NCR1: variants seen among roughly 807,000 people sequenced by gnomAD.
NCR1 encodes NK cell-activating receptor.
In NCR1, 30 loss-of-function variants were observed where a neutral mutation model predicts 32.5. That is an observed-to-expected ratio of 0.92 (90% CI 0.69 to 1.25). The LOEUF (loss-of-function observed/expected upper bound fraction) is 1.25. NCR1 is among the 50% of genes most tolerant of loss of function. The pLI is 0.00. For synonymous variants in NCR1, 169 were observed against 143.4 expected (o/e 1.18, Z -1.28); for missense variants, 369 against 380.7 (o/e 0.97, Z 0.26).
chr19:54,930,185 G>A, the NCR1 span, among the ~76,000 whole-genome samples: 1 of 151,506 alleles, frequency 6.6e-6, no homozygotes, highest in Non-Finnish European at 1.5e-5. Flanking sequence ...TTAAAAATGA[G>A]GCCAGGCATG....
At position 54,912,717 on chromosome 19, in the gene NCR1, A is replaced by G. The variant is rs1602068302; in HGVS notation, c.761A>G (p.Gln254Arg). 6.2e-7 allele frequency: 1 copy of G among 1,611,164 alleles called. No individual in the cohort carries two copies. Among genetic ancestry groups the G allele is most frequent in the Non-Finnish European group, 8.5e-7 (1 of 1,178,644 alleles). Reference protein sequence around the residue: ...KDHALWDHTAQNLLRMGLAFL... With the variant: ...KDHALWDHTARNLLRMGLAFL... ...CATGCCCTCTGGGATCACACTGCCC[A>G]GAATCTCCTTCGGATGGGCCTGGCC... The change falls in exon 7 of 7, where the codon CAG (glutamine) becomes CGG (arginine). Residue 254 changes from glutamine (Q) to arginine (R), a missense_variant. By Grantham distance (43) the Gln-to-Arg change is conservative. Coordinates refer to ENST00000291890, the MANE Select transcript of NCR1 (RefSeq NM_004829.7).
At chr19:54,916,149 T>C (rs964189789), downstream of NCR1, 2 of 151,970 alleles carry the variant, frequency 1.3e-5, no homozygotes, top group Admixed American at 6.6e-5. Flanking sequence ...TATGTGTGTG[T>C]ATCACACCCA....
At chr19:54,918,448 T>A (rs1569538167), downstream of NCR1, among the ~76,000 whole-genome samples, 1 of 151,928 alleles carries the variant, frequency 6.6e-6, no homozygotes, top group Non-Finnish European at 1.5e-5. Context: ...TTTTGTACTT[T>A]TAGTAAGTAA....
At chr19:54,935,884 C>T in the NCR1 span, among the ~76,000 whole-genome samples, 1 of 151,766 alleles carries the variant, frequency 6.6e-6, no homozygotes, top group African/African-American at 2.4e-5. Flanking sequence ...CGAACAGTTT[C>T]ATCCCAAAAC....
the NCR1 span, among the ~76,000 whole-genome samples, chr19:54,925,436 C>T: frequency 3.3e-5 from 5 of 152,120 alleles, no homozygotes; most frequent in Non-Finnish European, 4.4e-5. Context: ...ACATGCTTAG[C>T]GTTCCAATAA....
the NCR1 span, among the ~76,000 whole-genome samples, chr19:54,922,384 G>A: frequency 7.9e-5 from 12 of 152,028 alleles, no homozygotes; most frequent in Admixed American, 6.6e-4. Context: ...TGGAAAAGCT[G>A]TGTTTGCCAT....
At chr19:54,903,427 TATACACGC>T (rs1052254595), upstream of NCR1, among the ~76,000 whole-genome samples, 1 of 142,376 alleles carries the variant, frequency 7.0e-6, no homozygotes, top group African/African-American at 2.6e-5. Context: ...TACATGTATG[TATACACGC>T]ATACATGTAT....
chr19:54,924,441 G>A, the NCR1 span, among the ~76,000 whole-genome samples: 13 of 151,522 alleles, frequency 8.6e-5, no homozygotes, highest in Non-Finnish European at 1.5e-4. Context: ...TGGGCAACAC[G>A]GTGAAACCCT....
At chr19:54,934,541 T>C in the NCR1 span, 8 of 1,614,020 alleles carry the variant, frequency 5.0e-6, no homozygotes, top group African/African-American at 8.0e-5. This position sits in a 1 kb window ranked among gnomAD's most constrained non-coding sequence, Gnocchi z 6.7. Context: ...TACAGCAACA[T>C]GGCACCCTCA....
chr19:54,928,340 G>A, the NCR1 span, among the ~76,000 whole-genome samples: 1 of 152,142 alleles, frequency 6.6e-6, no homozygotes, highest in African/African-American at 2.4e-5. Context: ...GTTGTAGTTA[G>A]CCAACATATC....
chr19:54,901,597 G>A (rs1602005771), upstream of NCR1, among the ~76,000 whole-genome samples: 1 of 152,080 alleles, frequency 6.6e-6, no homozygotes, highest in Non-Finnish European at 1.5e-5. Flanking sequence ...GAGGCAGGCG[G>A]ATCACTGGAG....
downstream of NCR1, among the ~76,000 whole-genome samples, chr19:54,916,429 C>T (rs1461585469): frequency 6.7e-6 from 1 of 149,986 alleles, no homozygotes; most frequent in Admixed American, 6.7e-5. Flanking sequence ...AGCGATTCTC[C>T]TGCCTCAGCC....
chr19:54,921,911 TC>T, the NCR1 span, among the ~76,000 whole-genome samples: 1 of 146,070 alleles, frequency 6.8e-6, no homozygotes, highest in Non-Finnish European at 1.5e-5. Context: ...TTTTTTTTTT[TC>T]GAGACAAGAG....
chr19:54,917,921 A>G (rs1277419608), downstream of NCR1, among the ~76,000 whole-genome samples: 1 of 152,114 alleles, frequency 6.6e-6, no homozygotes, highest in African/African-American at 2.4e-5. Flanking sequence ...GTCTCAGCCT[A>G]CGTAAGACGT....
At chr19:54,899,476 G>A in the NCR1 span, among the ~76,000 whole-genome samples, 3 of 152,210 alleles carry the variant, frequency 2.0e-5, no homozygotes, top group Admixed American at 2.0e-4. Context: ...AGAAAAGCGG[G>A]AAAGGGGTCA....
rs757462926 is a variant in NCR1 at position 54,909,263 on chromosome 19, C to T, written c.374C>T (p.Thr125Ile). ...CTCATAGAAATGTATGACACACCCACCCTCTCGGTTCATCCTGGACCCGAA... is the reference window on the plus strand; with the variant it reads ...CTCATAGAAATGTATGACACACCCATCCTCTCGGTTCATCCTGGACCCGAA... ...LVVTEMYDTP[T>I]LSVHPGPEVI... Residue 125 changes from threonine (T) to isoleucine (I), a missense_variant, in exon 4 of 7, where the codon ACC (threonine) becomes ATC (isoleucine). Thr to Ile is a moderately conservative substitution (Grantham distance 89). Coordinates refer to ENST00000291890, the MANE Select transcript of NCR1 (RefSeq NM_004829.7). 20 of 1,613,096 alleles carry T rather than the reference C, an allele frequency of 1.2e-5. No individual in the cohort carries two copies. Among genetic ancestry groups the T allele is most frequent in the Non-Finnish European group, 1.5e-5 (18 of 1,179,292 alleles).
intron 4 of NCR1, 24 bp downstream of exon 4, chr19:54,909,547 C>T (rs376348539): frequency 1.8e-5 from 28 of 1,588,656 alleles, no homozygotes; most frequent in Non-Finnish European, 2.4e-5. Flanking sequence ...CAATTCCCCA[C>T]ACCCTTCGCC....
rs969635937 is a variant in NCR1 at position 54,913,028 on chromosome 19, AG to A, written c.*160del. 1.7e-6 allele frequency: 1 copy of A among 590,892 alleles called. No homozygotes were observed. Among genetic ancestry groups the A allele is most frequent in the African/African-American group, 1.9e-5 (1 of 52,396 alleles). The allele number at this position is 590,892 out of a possible 1,614,324, so 36.6% of individuals were successfully genotyped here. ...TGTCAGAGCATCCCGGACGATGCAG[AG>A]GGTGGGAGAACTACATGCTAAATTT... On this transcript the variant is annotated 3_prime_UTR_variant, in exon 7 of 7. Coordinates refer to ENST00000291890, the MANE Select transcript of NCR1 (RefSeq NM_004829.7).
the NCR1 span, among the ~76,000 whole-genome samples, chr19:54,900,085 G>C: frequency 0.033 from 5,022 of 152,212 alleles, 103 homozygotes; most frequent in African/African-American, 0.055. Flanking sequence ...GTCTGAGGAC[G>C]AGAGGTCGTA....
Sources: gnomAD v4.1 joint callset for allele counts (sites outside exome capture counted in the v4.1 genomes callset) on GRCh38, gnomAD v4.1.1 for gene constraint, Gnocchi (gnomAD v3.1) non-coding constraint, MANE v1.5 for transcripts, NCBI Gene and HGNC (gene_info 2026-07-23, HGNC 2026-07-21) for gene names.